E2F3: variants seen among roughly 807,000 people sequenced by gnomAD.
E2F3 encodes the protein transcription factor E2F3.
E2F3 carries 11 observed loss-of-function variants against 44.4 expected under a neutral mutation model. The observed-to-expected ratio is 0.25, with a 90% CI of 0.16 to 0.41. E2F3 has a LOEUF of 0.41. Among genes scored for constraint, E2F3 ranks in the 10% least tolerant of loss-of-function variants. The probability of loss-of-function intolerance (pLI) is 1.00; values close to 1 mark genes in which losing one functional copy is unlikely to be tolerated. For synonymous variants in E2F3, 249 were observed against 253.0 expected, an observed-to-expected ratio of 0.98 and a Z score of 0.15; for missense variants, 487 against 583.6, an observed-to-expected ratio of 0.83 and a Z score of 1.70.
At chr6:20,443,231 T>C (rs1760832265) in intron 1 of E2F3, among the ~76,000 whole-genome samples, 1 of 152,208 alleles carries the variant, frequency 6.6e-6, no homozygotes, top group African/African-American at 2.4e-5. Flanking sequence ...CTCCATTCTT[T>C]GTCTCTTCAT....
rs974071785 is a variant in E2F3 at position 20,465,472 on chromosome 6, T to C, written c.394-14374T>C. Among the ~76,000 whole-genome samples, 8 of 152,236 alleles carry C rather than the reference T, an allele frequency of 5.3e-5. No homozygotes were observed. The East Asian group carries it at 1.5e-3, about 29-fold the overall frequency. ...TCCATTTTATTCATCCCAATTTTTT[T>C]TATTTTCCATAGGTTATTGGGGAAC... is the stretch of plus-strand genomic sequence containing the variant. On this transcript the variant is annotated intron_variant, in intron 1 of 6. Transcript: ENST00000346618.
chr6:20,479,774 G>A, intron 1 of E2F3, 72 bp from the exon 2 acceptor site: 1 of 1,353,724 alleles, frequency 7.4e-7, no homozygotes, highest in Non-Finnish European at 1.0e-6. Context: ...TGGCAGGCCA[G>A]CCCACAAACT....
At chr6:20,452,690 C>CTGT (rs1175999505) in intron 1 of E2F3, among the ~76,000 whole-genome samples, 1 of 152,128 alleles carries the variant, frequency 6.6e-6, no homozygotes, top group Non-Finnish European at 1.5e-5. Flanking sequence ...TGGCTCACAC[C>CTGT]TGTAATCCCA....
At chr6:20,433,387 G>A (rs147629021) in intron 1 of E2F3, among the ~76,000 whole-genome samples, 28 of 152,294 alleles carry the variant, frequency 1.8e-4, no homozygotes, top group African/African-American at 6.5e-4. Flanking sequence ...TGGGCCCCTG[G>A]ATAGAATTCT....
intron 1 of E2F3, among the ~76,000 whole-genome samples, chr6:20,427,539 G>A (rs1311285161): frequency 1.3e-5 from 2 of 152,080 alleles, no homozygotes; most frequent in Non-Finnish European, 2.9e-5. Flanking sequence ...AAATAAAAGT[G>A]ATTTCTAAGG....
At chr6:20,482,141 T>C (rs1762244129) in intron 3 of E2F3, among the ~76,000 whole-genome samples, 1 of 152,178 alleles carries the variant, frequency 6.6e-6, no homozygotes, top group African/African-American at 2.4e-5. Context: ...CATACCTTTT[T>C]TTGCACATTT....
chr6:20,446,090 G>A (rs1760935086), intron 1 of E2F3, among the ~76,000 whole-genome samples: 1 of 152,178 alleles, frequency 6.6e-6, no homozygotes, highest in South Asian at 2.1e-4. Context: ...ACGCGGATGT[G>A]GGGAAAACGT....
At chr6:20,445,001 T>C in intron 1 of E2F3, 1 of 853,982 alleles carries the variant, frequency 1.2e-6, no homozygotes, top group Non-Finnish European at 1.4e-6. Context: ...GCTCAATACA[T>C]GTCTTTTGAA....
At chr6:20,432,562 G>A (rs1374294879) in intron 1 of E2F3, among the ~76,000 whole-genome samples, 1 of 152,250 alleles carries the variant, frequency 6.6e-6, no homozygotes, top group African/African-American at 2.4e-5. Flanking sequence ...TCTTGTAACA[G>A]AAGGTGTGGT....
At chr6:20,415,202 G>A (rs1759805442) in intron 1 of E2F3, among the ~76,000 whole-genome samples, 1 of 152,162 alleles carries the variant, frequency 6.6e-6, no homozygotes. Context: ...GGCCCTCAAG[G>A]AGTTCATCTG....
At chr6:20,419,554 T>TTTATTTAC (rs1166704276) in intron 1 of E2F3, among the ~76,000 whole-genome samples, 1 of 137,990 alleles carries the variant, frequency 7.2e-6, no homozygotes, top group Non-Finnish European at 1.5e-5. Context: ...TATTTATTTA[T>TTTATTTAC]TTACTTACTT....
chr6:20,485,440 T>C lies in E2F3; in HGVS notation c.885-1249T>C, dbSNP rs181433027. ...CTAAAAATAAAAAAAATTAGCCGGG[T>C]GTGGTGGTGCACGCCTGTAGTCCCA... is the stretch of plus-strand genomic sequence containing the variant. On this transcript the variant is annotated intron_variant, in intron 4 of 6. Coordinates refer to ENST00000346618, the MANE Select transcript of E2F3 (RefSeq NM_001949.5). Among the ~76,000 whole-genome samples, 12 of 151,814 alleles carry C rather than the reference T, an allele frequency of 7.9e-5. No homozygotes were observed. In the East Asian group the frequency reaches 2.3e-3, roughly 29 times the overall value.
chr6:20,438,774 T>C (rs1057372829), intron 1 of E2F3, among the ~76,000 whole-genome samples: 7 of 152,350 alleles, frequency 4.6e-5, no homozygotes, highest in South Asian at 2.1e-4. Context: ...AGGCATGAAT[T>C]ATCTGGTTAA....
chr6:20,442,334 G>T (rs1760805949), intron 1 of E2F3, among the ~76,000 whole-genome samples: 1 of 152,150 alleles, frequency 6.6e-6, no homozygotes, highest in Admixed American at 6.6e-5. Context: ...AATAGCTGTG[G>T]CTTCATCTAA....
chr6:20,424,950 G>T (rs946041452), intron 1 of E2F3, among the ~76,000 whole-genome samples: 1 of 152,302 alleles, frequency 6.6e-6, no homozygotes, highest in South Asian at 2.1e-4. Context: ...ACCCAGACAC[G>T]TGGGGTTTTC....
chr6:20,457,348 CTTTTTT>C (rs60238519), intron 1 of E2F3, among the ~76,000 whole-genome samples: 1 of 109,486 alleles, frequency 9.1e-6, no homozygotes, highest in African/African-American at 3.5e-5. Flanking sequence ...CTTATTTTTT[CTTTTTT>C]TTTTTTTTTT....
At chr6:20,443,407 C>T (rs1312806111) in intron 1 of E2F3, among the ~76,000 whole-genome samples, 1 of 152,190 alleles carries the variant, frequency 6.6e-6, no homozygotes, top group African/African-American at 2.4e-5. Context: ...GATACTGTCT[C>T]AGCCTATGTG....
chr6:20,445,115 T>G lies in E2F3; in HGVS notation c.394-34731T>G, dbSNP rs868187179. On this transcript the variant is annotated intron_variant, in intron 1 of 6. Transcript: ENST00000346618. The stretch of plus-strand genomic sequence containing the variant: ...CTGGAGAGTCGAGAGCGGGTCATGG[T>G]GAGTTGGTCTTTTTGTGTAAGAATC... The G allele has an allele frequency of 9.1e-6, 9 of 985,344 alleles. No individual in the cohort carries two copies. In the African/African-American group the frequency reaches 1.6e-4, roughly 17 times the overall value. The allele number at this position is 985,344 out of a possible 1,614,324, so 61.0% of individuals were successfully genotyped here.
At chr6:20,425,520 C>T (rs1487252704) in intron 1 of E2F3, among the ~76,000 whole-genome samples, 3 of 152,024 alleles carry the variant, frequency 2.0e-5, no homozygotes, top group Non-Finnish European at 2.9e-5. Flanking sequence ...GCCTGAGTAG[C>T]CAGGACTACA....
Sources: allele counts gnomAD v4.1 joint callset (sites outside exome capture counted in the v4.1 genomes callset), GRCh38; gene constraint gnomAD v4.1.1; transcripts MANE v1.5; gene names NCBI Gene and HGNC (gene_info 2026-07-23, HGNC 2026-07-21).